Variants in E2F3 observed in about 807,000 individuals in gnomAD.
E2F3 encodes the protein transcription factor E2F3.
A neutral mutation model predicts 44.4 loss-of-function variants in E2F3; 11 were observed. The ratio of observed to expected loss-of-function variants is 0.25; its 90% CI spans 0.16 to 0.41. The LOEUF (loss-of-function observed/expected upper bound fraction) is 0.41. Among genes scored for constraint, E2F3 ranks in the 10% least tolerant of loss-of-function variants. The probability of loss-of-function intolerance (pLI) is 1.00; values close to 1 mark genes in which losing one functional copy is unlikely to be tolerated. For missense variants in E2F3, 487 were observed against 583.6 expected, an observed-to-expected ratio of 0.83 and a Z score of 1.70; for synonymous variants, 249 against 253.0, an observed-to-expected ratio of 0.98 and a Z score of 0.15.
At chr6:20,414,822 A>G (rs911361) in intron 1 of E2F3, among the ~76,000 whole-genome samples, 95,767 of 151,974 alleles carry the variant, frequency 0.63, 30,640 homozygotes, top group African/African-American at 0.75. Context: ...GTGACACAGT[A>G]GTGTGGTATG....
intron 1 of E2F3, chr6:20,403,610 A>G (rs1759385022): frequency 3.2e-5 from 15 of 469,134 alleles, no homozygotes; most frequent in Middle Eastern, 5.6e-4. Flanking sequence ...AGAGGGGGGC[A>G]CCCACTTCCT....
At chr6:20,482,713 C>T (rs1280962668) in intron 3 of E2F3, 49 bp from the exon 4 acceptor site, 1 of 1,519,008 alleles carries the variant, frequency 6.6e-7, no homozygotes, top group African/African-American at 1.4e-5. Context: ...ATTTCTCCTT[C>T]CCCTCCCTCC....
chr6:20,464,151 C>T (rs531250635), intron 1 of E2F3, among the ~76,000 whole-genome samples: 4 of 152,334 alleles, frequency 2.6e-5, no homozygotes, highest in African/African-American at 9.6e-5. Context: ...AAACCCAGTC[C>T]TTCGGGGGCT....
intron 1 of E2F3, among the ~76,000 whole-genome samples, chr6:20,423,594 C>T (rs1760100865): frequency 6.6e-6 from 1 of 151,934 alleles, no homozygotes; most frequent in Admixed American, 6.6e-5. Context: ...CCTCAGCCTC[C>T]CAAGTAACTG....
intron 1 of E2F3, among the ~76,000 whole-genome samples, chr6:20,443,442 T>C (rs1053877990): frequency 6.6e-5 from 10 of 152,174 alleles, no homozygotes; most frequent in Admixed American, 1.3e-4. Context: ...TATTGCCTTA[T>C]AGAAATTATT....
chr6:20,479,603 C>T (rs1762154653), intron 1 of E2F3, among the ~76,000 whole-genome samples: 1 of 152,206 alleles, frequency 6.6e-6, no homozygotes, highest in African/African-American at 2.4e-5. Context: ...GCTGAAGGAT[C>T]GCTGTGTTTG....
intron 1 of E2F3, among the ~76,000 whole-genome samples, chr6:20,416,592 C>T (rs1028936087): frequency 1.3e-5 from 2 of 152,174 alleles, no homozygotes; most frequent in Admixed American, 1.3e-4. Flanking sequence ...TCAGGTTGTA[C>T]TCCAGACCCA....
intron 1 of E2F3, among the ~76,000 whole-genome samples, chr6:20,461,216 G>A (rs187264540): frequency 1.3e-5 from 2 of 151,456 alleles, no homozygotes; most frequent in South Asian, 2.1e-4. Context: ...TTTGAAGGTC[G>A]GGCACGGTGG....
chr6:20,454,106 T>C (rs1761231291), intron 1 of E2F3, among the ~76,000 whole-genome samples: 1 of 152,254 alleles, frequency 6.6e-6, no homozygotes. Context: ...GAAACATTTC[T>C]TGTTACTCAA....
At chr6:20,417,518 A>G (rs944546887) in intron 1 of E2F3, among the ~76,000 whole-genome samples, 1 of 152,168 alleles carries the variant, frequency 6.6e-6, no homozygotes, top group Admixed American at 6.5e-5. Flanking sequence ...TTTTTAAAAA[A>G]TAAGTGTAAT....
chr6:20,412,129 C>A (rs113384691), intron 1 of E2F3, among the ~76,000 whole-genome samples: 1 of 152,052 alleles, frequency 6.6e-6, no homozygotes, highest in Non-Finnish European at 1.5e-5. Context: ...ACTAAACAGG[C>A]GGTAGGGAGA....
intron 1 of E2F3, among the ~76,000 whole-genome samples, chr6:20,458,108 C>A (rs1761374865): frequency 6.6e-6 from 1 of 152,030 alleles, no homozygotes; most frequent in South Asian, 2.1e-4. Flanking sequence ...GAGATAGTGG[C>A]TCATTATGAA....
chr6:20,408,449 A>T (rs1759562168), intron 1 of E2F3, among the ~76,000 whole-genome samples: 1 of 152,234 alleles, frequency 6.6e-6, no homozygotes, highest in Non-Finnish European at 1.5e-5. Flanking sequence ...GTGTTTTTGG[A>T]ATTCAAGGAA....
rs146438375 is a variant in E2F3, at chr6:20,413,956, TCTC to T, written c.393+11335_393+11337del. On this transcript the variant is annotated intron_variant, in intron 1 of 6. Transcript: ENST00000346618. ...CTGGAAGAATGGGTGAGGCCAAGCT[TCTC>T]CTCTGTCTGGGGTGTGCACTGTGTG... Among the ~76,000 whole-genome samples, 652 of 152,234 alleles carry T rather than the reference TCTC, an allele frequency of 4.3e-3. 3 individuals are homozygous for T. Among genetic ancestry groups the T allele is most frequent in the Middle Eastern group, 0.017 (5 of 294 alleles).
intron 3 of E2F3, 109 bp downstream of exon 3, chr6:20,481,534 C>T (rs1407359777): frequency 2.1e-6 from 2 of 966,508 alleles, no homozygotes; most frequent in East Asian, 2.4e-5. Context: ...TTTCTTTTCT[C>T]TCCTACTGTT....
chr6:20,468,090 C>T (rs1300943617), intron 1 of E2F3, among the ~76,000 whole-genome samples: 2 of 152,340 alleles, frequency 1.3e-5, no homozygotes, highest in East Asian at 1.9e-4. Flanking sequence ...GTTGTGACAC[C>T]AGATGTGTGG....
intron 1 of E2F3, among the ~76,000 whole-genome samples, chr6:20,404,040 G>A (rs1442331098): frequency 6.6e-6 from 1 of 152,168 alleles, no homozygotes; most frequent in Non-Finnish European, 1.5e-5. Flanking sequence ...GGGAGTGTCT[G>A]CCCCAGGGGG....
intron 1 of E2F3, among the ~76,000 whole-genome samples, chr6:20,468,966 C>T (rs1362697424): frequency 6.6e-6 from 1 of 152,104 alleles, no homozygotes; most frequent in African/African-American, 2.4e-5. Flanking sequence ...TGGAGAACCC[C>T]TAGCTAGTCT....
chr6:20,459,579 A>G (rs1761431763), intron 1 of E2F3, among the ~76,000 whole-genome samples: 1 of 152,202 alleles, frequency 6.6e-6, no homozygotes, highest in Admixed American at 6.5e-5. Flanking sequence ...AAGGTTTGTT[A>G]GAGGATCCAC....
Sources: gnomAD v4.1 joint callset for allele counts (sites outside exome capture counted in the v4.1 genomes callset) on GRCh38, gnomAD v4.1.1 for gene constraint, MANE v1.5 for transcripts, NCBI Gene and HGNC (gene_info 2026-07-23, HGNC 2026-07-21) for gene names.